Variants in PUM2 observed in about 807,000 individuals in gnomAD.
PUM2 encodes pumilio RNA binding family member 2.
PUM2 carries 57 observed loss-of-function variants against 124.5 expected under a neutral mutation model. The ratio of observed to expected loss-of-function variants is 0.46; its 90% CI spans 0.37 to 0.57. PUM2 has a LOEUF of 0.57. PUM2 is among the 20% of genes least tolerant of loss of function. PUM2 has a pLI of 0.00. For synonymous variants in PUM2, 460 were observed against 446.1 expected (o/e 1.03, Z -0.39); for missense variants, 1,065 against 1,290.6 (o/e 0.83, Z 2.68).
intron 20 of PUM2, 114 bp from the exon 21 acceptor site, chr2:20,251,830 T>A: frequency 7.7e-7 from 1 of 1,300,654 alleles, no homozygotes; most frequent in Non-Finnish European, 1.1e-6. Flanking sequence ...AAAAAAAATT[T>A]AAATCCAAAG....
intron 1 of PUM2, among the ~76,000 whole-genome samples, chr2:20,341,002 T>C (rs2149069123): frequency 6.6e-6 from 1 of 152,332 alleles, no homozygotes; most frequent in Admixed American, 6.5e-5. Context: ...GAACTTTTTG[T>C]TTATTTGTTT....
intron 13 of PUM2, among the ~76,000 whole-genome samples, chr2:20,266,965 ATACT>A (rs1411238491): frequency 2.0e-5 from 3 of 152,000 alleles, no homozygotes; most frequent in African/African-American, 4.8e-5. Flanking sequence ...ATGAAAACAT[ATACT>A]TACTGTCAAG....
intron 1 of PUM2, among the ~76,000 whole-genome samples, chr2:20,340,366 T>G (rs925790193): frequency 6.6e-6 from 1 of 152,234 alleles, no homozygotes; most frequent in Non-Finnish European, 1.5e-5. Context: ...AACAGTAAGA[T>G]GTGGGATGGA....
At chr2:20,254,431 T>C (rs1195207738) in intron 19 of PUM2, among the ~76,000 whole-genome samples, 1 of 152,144 alleles carries the variant, frequency 6.6e-6, no homozygotes, top group African/African-American at 2.4e-5. Flanking sequence ...CTGGCTGGGA[T>C]TACACGTGTG....
chr2:20,282,910 A>G (rs937750075), intron 12 of PUM2, 37 bp downstream of exon 12: 5 of 1,588,900 alleles, frequency 3.1e-6, no homozygotes, highest in Non-Finnish European at 4.3e-6. Flanking sequence ...TACCTCTTCC[A>G]CTTAGCAGAG....
chr2:20,294,666 G>A, intron 8 of PUM2, 148 bp from the exon 9 acceptor site: 2 of 946,268 alleles, frequency 2.1e-6, no homozygotes, highest in Non-Finnish European at 3.0e-6. Flanking sequence ...GTATTGATGG[G>A]TGACAGCAAT....
At chr2:20,329,196 A>G (rs1684356702) in intron 1 of PUM2, among the ~76,000 whole-genome samples, 2 of 150,650 alleles carry the variant, frequency 1.3e-5, no homozygotes, top group Non-Finnish European at 3.0e-5. Flanking sequence ...AAAAAAAGAT[A>G]AGATCTAATG....
At chr2:20,268,284 C>G (rs1044016435) in intron 13 of PUM2, among the ~76,000 whole-genome samples, 2 of 152,140 alleles carry the variant, frequency 1.3e-5, no homozygotes, top group Non-Finnish European at 2.9e-5. Flanking sequence ...CTTCATTTTA[C>G]AACAGATTTT....
chr2:20,311,045 C>A (rs1679480248), intron 5 of PUM2, among the ~76,000 whole-genome samples: 1 of 151,932 alleles, frequency 6.6e-6, no homozygotes. Flanking sequence ...AAGATTACTG[C>A]TCCTAAGCTA....
chr2:20,307,114 G>A (rs962552155), intron 7 of PUM2, among the ~76,000 whole-genome samples: 1 of 152,000 alleles, frequency 6.6e-6, no homozygotes, highest in African/African-American at 2.4e-5. Flanking sequence ...TACTCAGAAG[G>A]CTGAGGCAGG....
At chr2:20,253,624 C>CAA (rs1664027261) in intron 20 of PUM2, among the ~76,000 whole-genome samples, 198 bp downstream of exon 20, 1 of 151,838 alleles carries the variant, frequency 6.6e-6, no homozygotes, top group Admixed American at 6.6e-5. Flanking sequence ...GAATTATGGG[C>CAA]AAAAGCCCCC....
At chr2:20,335,631 C>T (rs1685835740) in intron 1 of PUM2, among the ~76,000 whole-genome samples, 1 of 152,196 alleles carries the variant, frequency 6.6e-6, no homozygotes, top group South Asian at 2.1e-4. Flanking sequence ...GGAGTTACCT[C>T]TGCTGGCTTT....
At chr2:20,299,884 A>G (rs1412714918) in intron 7 of PUM2, among the ~76,000 whole-genome samples, 5 of 152,204 alleles carry the variant, frequency 3.3e-5, no homozygotes, top group East Asian at 3.8e-4. Context: ...GGCCATAGGT[A>G]CATTTTAAAA....
intron 13 of PUM2, among the ~76,000 whole-genome samples, chr2:20,264,367 A>ATATAT (rs57739776): frequency 3.8e-5 from 1 of 26,614 alleles, no homozygotes; most frequent in Non-Finnish European, 6.9e-5. Context: ...AAAAAAAAAA[A>ATATAT]ATATATATAT....
At chr2:20,269,070 A>C (rs969374143) in intron 13 of PUM2, among the ~76,000 whole-genome samples, 7 of 152,272 alleles carry the variant, frequency 4.6e-5, no homozygotes, top group African/African-American at 1.7e-4. Context: ...TGTCTAAAAA[A>C]TTCATGTAAA....
At chr2:20,259,996 T>C (rs933215636) in intron 15 of PUM2, among the ~76,000 whole-genome samples, 7 of 152,262 alleles carry the variant, frequency 4.6e-5, no homozygotes, top group Admixed American at 4.6e-4. Flanking sequence ...TAAAATGGTA[T>C]CTCATTGTGA....
intron 3 of PUM2, among the ~76,000 whole-genome samples, chr2:20,316,217 G>A (rs1680901119): frequency 6.6e-6 from 1 of 152,054 alleles, no homozygotes; most frequent in Admixed American, 6.5e-5. Context: ...TAAATTACTT[G>A]TTGCCAACAT....
intron 3 of PUM2, among the ~76,000 whole-genome samples, chr2:20,314,750 G>A (rs1680463447): frequency 6.6e-6 from 1 of 152,010 alleles, no homozygotes; most frequent in African/African-American, 2.4e-5. Context: ...TCATGTATCC[G>A]TTCATTACAC....
At chr2:20,329,144 A>T (rs1684332188) in intron 1 of PUM2, among the ~76,000 whole-genome samples, 1 of 150,226 alleles carries the variant, frequency 6.7e-6, no homozygotes, top group Non-Finnish European at 1.5e-5. Context: ...ATTGCACTCC[A>T]GCCTGGGCGA....
Sources: allele counts gnomAD v4.1 joint callset (sites outside exome capture counted in the v4.1 genomes callset), GRCh38; gene constraint gnomAD v4.1.1; transcripts MANE v1.5; gene names NCBI Gene and HGNC (gene_info 2026-07-23, HGNC 2026-07-21).